Variants in KIAA0825 observed in about 807,000 individuals in gnomAD.
KIAA0825 encodes the protein uncharacterized protein KIAA0825.
In KIAA0825, 119 loss-of-function variants were observed where a neutral mutation model predicts 147.6. The observed-to-expected ratio is 0.81, with a 90% CI of 0.69 to 0.94. KIAA0825 has a LOEUF of 0.94. Among genes scored for constraint, KIAA0825 ranks in the 40% least tolerant of loss-of-function variants. The pLI is 0.00. For synonymous variants in KIAA0825, 470 were observed against 518.1 expected (o/e 0.91, Z 1.26); for missense variants, 1,381 against 1,472.7 (o/e 0.94, Z 1.02).
At chr5:94,520,034 C>T in intron 5 of KIAA0825, 1 of 1,127,596 alleles carries the variant, frequency 8.9e-7, no homozygotes, top group South Asian at 3.5e-5. Flanking sequence ...CTTATATTTC[C>T]AATATCTTTA....
chr5:94,426,369 T>C (rs1404452417), intron 14 of KIAA0825, among the ~76,000 whole-genome samples: 9 of 152,296 alleles, frequency 5.9e-5, no homozygotes, highest in Admixed American at 3.9e-4. Flanking sequence ...TGGAATACTA[T>C]TGAGCCATAA....
In KIAA0825 at chr5:94,266,412, A is replaced by G. The variant is rs6890849; in HGVS notation, c.3711-112288T>C. The stretch of plus-strand genomic sequence containing the variant: ...CATAAATCTTCTGTGGTAAAAGACC[A>G]ATTCAAAGTACAAGATATCATTTCA... On this transcript the variant is annotated intron_variant, in intron 20 of 20. Coordinates refer to ENST00000682413, the MANE Select transcript of KIAA0825 (RefSeq NM_001145678.3). Among the ~76,000 whole-genome samples the G allele has an allele frequency of 8.4e-3, 1,281 of 152,230 alleles. 15 individuals are homozygous for G. The highest frequency in any genetic ancestry group is 0.029 in the African/African-American group (1,220 of 41,556).
intron 14 of KIAA0825, among the ~76,000 whole-genome samples, chr5:94,419,240 G>A (rs1753861299): frequency 6.6e-6 from 1 of 152,086 alleles, no homozygotes; most frequent in African/African-American, 2.4e-5. Flanking sequence ...AAACGGTCTC[G>A]ACTATTTCCC....
intron 20 of KIAA0825, among the ~76,000 whole-genome samples, chr5:94,331,641 A>G (rs141206563): frequency 3.7e-4 from 56 of 152,336 alleles, no homozygotes; most frequent in Middle Eastern, 3.4e-3. Flanking sequence ...ATGAACATCA[A>G]CAGAAAAATC....
At chr5:94,580,559 G>A (rs1483345960) in intron 2 of KIAA0825, among the ~76,000 whole-genome samples, 2 of 150,232 alleles carry the variant, frequency 1.3e-5, no homozygotes, top group African/African-American at 5.0e-5. Context: ...TCCTTTGTCT[G>A]CTGTGGTACT....
At chr5:94,201,443 C>T (rs1037948504) in intron 20 of KIAA0825, among the ~76,000 whole-genome samples, 8 of 151,918 alleles carry the variant, frequency 5.3e-5, no homozygotes, top group African/African-American at 1.7e-4. Flanking sequence ...GATCTTGCTC[C>T]GTCACCCAGC....
intron 12 of KIAA0825, among the ~76,000 whole-genome samples, chr5:94,454,483 T>C (rs1443515617): frequency 6.6e-6 from 1 of 152,182 alleles, no homozygotes; most frequent in Non-Finnish European, 1.5e-5. Flanking sequence ...TCATCTCTTC[T>C]TTAAAAGGCT....
chr5:94,519,205 A>G, intron 5 of KIAA0825: 1 of 866,410 alleles, frequency 1.2e-6, no homozygotes, highest in East Asian at 1.2e-4. Context: ...AAATTCATAT[A>G]TCACATTAAT....
At chr5:94,166,470 C>A (rs1170264939) in intron 20 of KIAA0825, among the ~76,000 whole-genome samples, 1 of 149,804 alleles carries the variant, frequency 6.7e-6, no homozygotes, top group Non-Finnish European at 1.5e-5. Context: ...CTGGGGGTAG[C>A]CTTAGGAAAT....
At chr5:94,417,408 A>T in intron 14 of KIAA0825, 43 bp from the exon 15 acceptor site, 2 of 1,489,204 alleles carry the variant, frequency 1.3e-6, no homozygotes, top group Non-Finnish European at 1.8e-6. Flanking sequence ...TGATTTAGTA[A>T]GATATCAGTG....
intron 14 of KIAA0825, among the ~76,000 whole-genome samples, chr5:94,438,354 CTAA>C (rs2150828817): frequency 6.6e-6 from 1 of 152,268 alleles, no homozygotes; most frequent in East Asian, 1.9e-4. Flanking sequence ...TGCTTGATAA[CTAA>C]TAAGTGAACA....
At chr5:94,178,962 A>G (rs1218686763) in intron 20 of KIAA0825, among the ~76,000 whole-genome samples, 1 of 152,128 alleles carries the variant, frequency 6.6e-6, no homozygotes, top group Non-Finnish European at 1.5e-5. Context: ...AAAGGGAACA[A>G]ACTATTGATT....
intron 20 of KIAA0825, among the ~76,000 whole-genome samples, chr5:94,231,049 A>G (rs1005189836): frequency 5.9e-5 from 9 of 152,168 alleles, no homozygotes; most frequent in Non-Finnish European, 1.0e-4. Flanking sequence ...TAAAGCTAGG[A>G]AAGAACACAT....
chr5:94,433,244 G>A (rs1755928665), intron 14 of KIAA0825, among the ~76,000 whole-genome samples: 1 of 152,012 alleles, frequency 6.6e-6, no homozygotes, highest in South Asian at 2.1e-4. Flanking sequence ...AGCCAGGATG[G>A]TCTCGATCTC....
intron 14 of KIAA0825, among the ~76,000 whole-genome samples, chr5:94,422,274 A>T (rs987261738): frequency 6.6e-6 from 1 of 152,176 alleles, no homozygotes; most frequent in South Asian, 2.1e-4. Flanking sequence ...TAGCTGGAAG[A>T]AAGAAATGTC....
In KIAA0825 at chr5:94,462,544, A is replaced by T. The variant is rs1759968291; in HGVS notation, c.2089T>A (p.Cys697Ser). 16 of 1,509,824 alleles carry T rather than the reference A, an allele frequency of 1.1e-5. No homozygotes were observed. The highest frequency in any genetic ancestry group is 1.4e-5 in the Non-Finnish European group (16 of 1,130,122). The allele number at this position is 1,509,824 out of a possible 1,614,324, so 93.5% of individuals were successfully genotyped here. A position where few individuals can be genotyped will look rare whatever the true frequency, so the allele number is the denominator to read the frequency against. ...ACTGACCATAACATGTTCTCAGTGC[A>T]TATCAAAATTGTTGTGACATCAAGT... Reference protein sequence around the residue: ...LRLDVTTILICTENMLWSVCT... With the variant: ...LRLDVTTILISTENMLWSVCT... Residue 697 changes from cysteine to serine, a missense_variant, in exon 12 of 21, where the codon TGC (cysteine) becomes AGC (serine). Cys to Ser is a moderately radical substitution (Grantham distance 112). Coordinates refer to ENST00000682413, the MANE Select transcript of KIAA0825 (RefSeq NM_001145678.3).
At chr5:94,393,661 A>G (rs1584359945) in intron 17 of KIAA0825, among the ~76,000 whole-genome samples, 1 of 152,202 alleles carries the variant, frequency 6.6e-6, no homozygotes, top group East Asian at 1.9e-4. Context: ...ATACTCATAT[A>G]TTTTTTTAAA....
chr5:94,494,188 C>G (rs1482971182), intron 5 of KIAA0825, among the ~76,000 whole-genome samples: 1 of 152,010 alleles, frequency 6.6e-6, no homozygotes, highest in African/African-American at 2.4e-5. Flanking sequence ...TCAATGATAA[C>G]AAAATTCTCC....
chr5:94,422,922 C>T (rs1396827533), intron 14 of KIAA0825, among the ~76,000 whole-genome samples: 1 of 152,214 alleles, frequency 6.6e-6, no homozygotes, highest in Non-Finnish European at 1.5e-5. Flanking sequence ...CACTTCTGGT[C>T]TCACCCCACT....
Sources: gnomAD v4.1 joint callset for allele counts (sites outside exome capture counted in the v4.1 genomes callset) on GRCh38, gnomAD v4.1.1 for gene constraint, MANE v1.5 for transcripts, NCBI Gene and HGNC (gene_info 2026-07-23, HGNC 2026-07-21) for gene names.